The following TTC17 variants were observed in gnomAD, a reference collection of about 807,000 sequenced individuals.
TTC17 encodes tetratricopeptide repeat protein 17.
A neutral mutation model predicts 143.8 loss-of-function variants in TTC17; 58 were observed. That is an observed-to-expected ratio of 0.40 (90% CI 0.33 to 0.50). The LOEUF is 0.50. Ranked by LOEUF, TTC17 falls within the 20% of genes least tolerant of loss-of-function variation. TTC17 has a pLI of 0.49. For synonymous variants in TTC17, 501 were observed against 497.8 expected (o/e 1.01, Z -0.09); for missense variants, 1,273 against 1,392.5 (o/e 0.91, Z 1.37).
intron 15 of TTC17, among the ~76,000 whole-genome samples, chr11:43,408,822 G>C (rs1013901743): frequency 3.9e-5 from 6 of 151,922 alleles, no homozygotes; most frequent in African/African-American, 1.5e-4. Context: ...GCTCACTGCA[G>C]CCTCCACCTC....
At position 43,414,711 on chromosome 11, in the gene TTC17, T is replaced by C; in HGVS notation, c.2186T>C (p.Leu729Pro). The C allele has an allele frequency of 6.2e-7, 1 of 1,613,802 alleles. No homozygotes were observed. The stretch of plus-strand genomic sequence containing the variant: ...AAATGTCCAGAGTGTGAAAACAGCC[T>C]GAAGTTGATCCGCTGTATGCAGTTT... ...TTKCPECENSLKLIRCMQFYP... is the reference protein window; with the variant it reads ...TTKCPECENSPKLIRCMQFYP... The change falls in exon 16 of 24, where the codon CTG becomes CCG. Residue 729 changes from leucine (L) to proline (P), a missense_variant. Transcript: ENST00000039989.
chr11:43,452,023 G>A (rs1198796869), intron 21 of TTC17, among the ~76,000 whole-genome samples: 1 of 152,080 alleles, frequency 6.6e-6, no homozygotes, highest in East Asian at 1.9e-4. Context: ...AGTAAGGATT[G>A]CCAAAAGTGG....
At chr11:43,472,483 C>T (rs78054248) in intron 21 of TTC17, among the ~76,000 whole-genome samples, 23 of 152,050 alleles carry the variant, frequency 1.5e-4, no homozygotes, top group Non-Finnish European at 2.2e-4. Context: ...AAAATGATCA[C>T]TAGGGATATA....
At chr11:43,360,745 C>T (rs546432852) in intron 1 of TTC17, among the ~76,000 whole-genome samples, 6 of 149,478 alleles carry the variant, frequency 4.0e-5, no homozygotes, top group African/African-American at 1.5e-4. Context: ...CTTCTTTTTG[C>T]ACTTTGGATA....
At position 43,365,121 on chromosome 11, in the gene TTC17, A is replaced by C. The variant is rs549159049; in HGVS notation, c.159+6008A>C. 8.6e-5 allele frequency among the ~76,000 whole-genome samples: 13 copies of C among 151,798 alleles called. No individual in the cohort carries two copies. In the South Asian group the frequency reaches 2.7e-3, roughly 32 times the overall value. ...CCGGCCATAATGTTTTTTATTTTTT[A>C]AAGACAGGTCACTCTGTCACCCAGG... On this transcript the variant is annotated intron_variant, in intron 1 of 23. Transcript: ENST00000039989.
At chr11:43,424,391 G>A (rs1394955890) in intron 16 of TTC17, among the ~76,000 whole-genome samples, 1 of 151,860 alleles carries the variant, frequency 6.6e-6, no homozygotes, top group Admixed American at 6.6e-5. Context: ...ACTGTGCCCG[G>A]CCAAGAATCA....
intron 21 of TTC17, among the ~76,000 whole-genome samples, chr11:43,459,000 A>G (rs1394111371): frequency 1.3e-5 from 2 of 152,182 alleles, no homozygotes; most frequent in East Asian, 1.9e-4. Flanking sequence ...TACTATCCAC[A>G]GTTTCAGGCA....
At chr11:43,484,576 G>GT (rs1413950728) in intron 21 of TTC17, among the ~76,000 whole-genome samples, 2 of 152,082 alleles carry the variant, frequency 1.3e-5, no homozygotes, top group Non-Finnish European at 2.9e-5. Flanking sequence ...TACCAGCAGG[G>GT]TTTTTTTATG....
At position 43,405,624 on chromosome 11, in the gene TTC17, A is replaced by T. The variant is rs1487865566; in HGVS notation, c.1590A>T (p.Gly530=). Residue 530 remains glycine, a synonymous_variant, in exon 12 of 24, where the codon GGA becomes GGT. Coordinates refer to ENST00000039989, the MANE Select transcript of TTC17 (RefSeq NM_018259.6). The part of the protein sequence containing the change: ...PTYFLPPENK[G]LRIHELSSDD... ...ATTTTCTGCCTCCGGAAAACAAAGG[A>T]CTCAGGCAAGTGGTGATGGATTTGG... The T allele has an allele frequency of 4.3e-6, 7 of 1,613,718 alleles. No individual in the cohort carries two copies. Among genetic ancestry groups the T allele is most frequent in the African/African-American group, 1.3e-5 (1 of 74,908 alleles).
chr11:43,450,422 A>C (rs1947635410), intron 20 of TTC17, among the ~76,000 whole-genome samples, 181 bp downstream of exon 20: 1 of 152,138 alleles, frequency 6.6e-6, no homozygotes, highest in Non-Finnish European at 1.5e-5. Flanking sequence ...GACTGAGCTT[A>C]TTATTCTTTT....
intron 21 of TTC17, among the ~76,000 whole-genome samples, chr11:43,481,585 T>C (rs536681921): frequency 6.6e-6 from 1 of 152,308 alleles, no homozygotes; most frequent in East Asian, 1.9e-4. Flanking sequence ...ATTATCTCTT[T>C]CTTCTCTGGT....
In TTC17 at chr11:43,453,166, C is replaced by T. The variant is rs146769626; in HGVS notation, c.3030+1901C>T. On this transcript the variant is annotated intron_variant, in intron 21 of 23. Coordinates refer to ENST00000039989, the MANE Select transcript of TTC17 (RefSeq NM_018259.6). ...AAAGGGACATAGAGGACAGAAGTGA[C>T]AAGTGACGAAAATAAGAGAGTTAAA... 1.8e-3 allele frequency among the ~76,000 whole-genome samples: 130 copies of T among 70,476 alleles called. 1 individual carries two copies. In the East Asian group the frequency reaches 0.043, roughly 24 times the overall value. The allele number at this position is 70,476 out of a possible 152,430, so 46.2% of individuals were successfully genotyped here.
chr11:43,481,188 T>TA (rs1352678990), intron 21 of TTC17, among the ~76,000 whole-genome samples: 1 of 152,168 alleles, frequency 6.6e-6, no homozygotes, highest in Non-Finnish European at 1.5e-5. Flanking sequence ...GTTCTAAACT[T>TA]ACACATATTC....
At chr11:43,441,419 T>C (rs773004069) in intron 16 of TTC17, among the ~76,000 whole-genome samples, 55 of 152,294 alleles carry the variant, frequency 3.6e-4, no homozygotes, top group Admixed American at 7.8e-4. Flanking sequence ...AAAAAAAAAT[T>C]AATTTTTCTC....
chr11:43,493,463 A>C (rs1176559195), intron 23 of TTC17, among the ~76,000 whole-genome samples: 2 of 152,164 alleles, frequency 1.3e-5, no homozygotes. Context: ...CAGGAATGTT[A>C]GGTCTCATTA....
intron 21 of TTC17, among the ~76,000 whole-genome samples, chr11:43,479,884 G>C (rs1241959498): frequency 6.6e-6 from 1 of 152,132 alleles, no homozygotes; most frequent in Admixed American, 6.5e-5. Context: ...CCACAGAGAG[G>C]GACAGCCTTG....
chr11:43,418,791 A>G (rs945176782), intron 16 of TTC17, among the ~76,000 whole-genome samples: 1 of 152,186 alleles, frequency 6.6e-6, no homozygotes, highest in Non-Finnish European at 1.5e-5. Flanking sequence ...AATCTGTAGA[A>G]AAGTCCAGAA....
chr11:43,443,254 G>C (rs1947461947), intron 16 of TTC17, 71 bp from the exon 17 acceptor site: 2 of 1,558,730 alleles, frequency 1.3e-6, no homozygotes, highest in South Asian at 2.5e-5. Flanking sequence ...CCAAAAGCAG[G>C]GTTGGAGTCA....
chr11:43,365,590 GT>G (rs1257276425), intron 1 of TTC17, among the ~76,000 whole-genome samples: 12 of 152,130 alleles, frequency 7.9e-5, no homozygotes, highest in African/African-American at 2.9e-4. Flanking sequence ...TCTTAACTTT[GT>G]TGTTTTTGTT....
Sources: allele counts gnomAD v4.1 joint callset (sites outside exome capture counted in the v4.1 genomes callset), GRCh38; gene constraint gnomAD v4.1.1; transcripts MANE v1.5; gene names NCBI Gene and HGNC (gene_info 2026-07-23, HGNC 2026-07-21).